Variants in XKR4 observed in about 807,000 individuals in gnomAD.
The protein encoded by XKR4 is XK-related protein 4.
Under a neutral mutation model 53.9 loss-of-function variants are expected in XKR4, and 12 were observed. That is an observed-to-expected ratio of 0.22 (90% confidence interval 0.14 to 0.36). XKR4 has a LOEUF of 0.36. XKR4 is among the 10% of genes least tolerant of loss of function. The pLI, the probability that XKR4 is intolerant of heterozygous loss-of-function variation, is 1.00. For missense variants in XKR4, 799 were observed against 859.5 expected (o/e 0.93, Z 0.88); for synonymous variants, 354 against 362.4 (o/e 0.98, Z 0.26).
chr8:55,123,476 CT>C, intron 1 of XKR4, among the ~76,000 whole-genome samples: 1 of 152,226 alleles, frequency 6.6e-6, no homozygotes, highest in East Asian at 1.9e-4. Flanking sequence ...TCAGCACTCC[CT>C]TTGAGCCCAG....
In XKR4 at chr8:55,122,267, A is replaced by C. The variant is rs1165255065; in HGVS notation, c.806+18973A>C. On this transcript the variant is annotated intron_variant, in intron 1 of 2. Coordinates refer to ENST00000327381, the MANE Select transcript of XKR4 (RefSeq NM_052898.2). ...GTGTCAAATGTCAGTGTCACATGTCAAAGTAGTAGAAATGTCTTTTCATTT... is the reference window on the plus strand; with the variant it reads ...GTGTCAAATGTCAGTGTCACATGTCCAAGTAGTAGAAATGTCTTTTCATTT... Among the ~76,000 whole-genome samples, 6 of 152,318 alleles carry C rather than the reference A, an allele frequency of 3.9e-5. No individual in the cohort carries two copies. The East Asian group carries it at 1.2e-3, about 29-fold the overall frequency.
At chr8:55,119,231 A>G (rs1489952246) in intron 1 of XKR4, among the ~76,000 whole-genome samples, 1 of 152,136 alleles carries the variant, frequency 6.6e-6, no homozygotes, top group Non-Finnish European at 1.5e-5. Flanking sequence ...CATTATCAGC[A>G]AGGGCAGAGA....
chr8:55,110,579 C>T (rs1201663694), intron 1 of XKR4, among the ~76,000 whole-genome samples: 1 of 152,082 alleles, frequency 6.6e-6, no homozygotes, highest in Non-Finnish European at 1.5e-5. Context: ...AAAAATTACC[C>T]CAGCTCTTTT....
intron 2 of XKR4, chr8:55,454,420 G>GGA: frequency 7.8e-7 from 1 of 1,287,662 alleles, no homozygotes; most frequent in Non-Finnish European, 1.1e-6. Context: ...GGCTCCTGCA[G>GGA]GCATCGGTGA....
intron 2 of XKR4, among the ~76,000 whole-genome samples, chr8:55,363,735 C>T (rs1803934533): frequency 1.3e-5 from 2 of 152,184 alleles, no homozygotes; most frequent in African/African-American, 4.8e-5. Flanking sequence ...GTGCTTGCCC[C>T]TACCTCTGGA....
At chr8:55,350,803 G>A (rs1405106069) in intron 1 of XKR4, among the ~76,000 whole-genome samples, 1 of 145,102 alleles carries the variant, frequency 6.9e-6, no homozygotes, top group East Asian at 2.0e-4. Flanking sequence ...GCAGTGGCAC[G>A]ATCTCGGTTC....
chr8:55,209,446 G>A (rs773721661), intron 1 of XKR4, among the ~76,000 whole-genome samples: 19 of 152,258 alleles, frequency 1.2e-4, no homozygotes, highest in African/African-American at 2.9e-4. Flanking sequence ...TCCAGAGCCC[G>A]TGCGCTTAAT....
intron 1 of XKR4, among the ~76,000 whole-genome samples, chr8:55,232,972 T>C (rs1818064600): frequency 6.6e-6 from 1 of 152,208 alleles, no homozygotes; most frequent in Non-Finnish European, 1.5e-5. Flanking sequence ...TGTTAATCTA[T>C]GTATTTGCTG....
At chr8:55,151,612 G>A (rs1222577815) in intron 1 of XKR4, among the ~76,000 whole-genome samples, 1 of 152,024 alleles carries the variant, frequency 6.6e-6, no homozygotes, top group African/African-American at 2.4e-5. Flanking sequence ...AAGTATAAAA[G>A]TAATACATAT....
chr8:55,231,795 A>G (rs1818044814), intron 1 of XKR4, among the ~76,000 whole-genome samples: 1 of 152,192 alleles, frequency 6.6e-6, no homozygotes, highest in Non-Finnish European at 1.5e-5. Context: ...TCCCTCCTGC[A>G]GAGTGGAAGT....
At chr8:55,306,236 A>C (rs1386335071) in intron 1 of XKR4, among the ~76,000 whole-genome samples, 2 of 152,318 alleles carry the variant, frequency 1.3e-5, no homozygotes, top group East Asian at 3.9e-4. Flanking sequence ...CATTTAAGGA[A>C]ATGCTTATTG....
rs368494801 is a variant in XKR4 at position 55,248,604 on chromosome 8, C to T, written c.807-109074C>T. On this transcript the variant is annotated intron_variant, in intron 1 of 2. Coordinates refer to ENST00000327381, the MANE Select transcript of XKR4 (RefSeq NM_052898.2). ...ACTTCTCAAAGTACTCATATATTCA[C>T]TCTGCTTCATTTATCTTCAGAGGTT... is the stretch of plus-strand genomic sequence containing the variant. Among the ~76,000 whole-genome samples, 14 of 152,346 alleles carry T rather than the reference C, an allele frequency of 9.2e-5. No homozygotes were observed. The South Asian group carries it at 1.0e-3, about 11-fold the overall frequency.
chr8:55,502,332 A>G (rs1283368063), intron 2 of XKR4, among the ~76,000 whole-genome samples: 1 of 152,062 alleles, frequency 6.6e-6, no homozygotes, highest in African/African-American at 2.4e-5. Flanking sequence ...TAACATTCCC[A>G]CCAACAGTAC....
chr8:55,178,913 T>C (rs1011732185), intron 1 of XKR4, among the ~76,000 whole-genome samples: 2 of 152,180 alleles, frequency 1.3e-5, no homozygotes, highest in African/African-American at 4.8e-5. Context: ...CTCCTCTCAG[T>C]AGCAGAGAAT....
intron 1 of XKR4, among the ~76,000 whole-genome samples, chr8:55,121,805 G>GA (rs34573634): frequency 0.86 from 130,696 of 151,566 alleles, 56,447 homozygotes; most frequent in East Asian, 0.95. Flanking sequence ...TTATGTTACA[G>GA]AAAAAAGGCA....
chr8:55,452,876 C>T lies in XKR4; in HGVS notation c.1007-70405C>T. On this transcript the variant is annotated intron_variant, in intron 2 of 2. Coordinates refer to ENST00000327381, the MANE Select transcript of XKR4 (RefSeq NM_052898.2). ...GGCTCTTGCTGCTGTCCAGAGGCAG[C>T]AGGAGGTAGCTCACGCAGTTGGTAT... 5.2e-6 allele frequency: 4 copies of T among 775,618 alleles called. No individual in the cohort carries two copies. The East Asian group carries it at 9.9e-5, about 19-fold the overall frequency. The allele number at this position is 775,618 out of a possible 1,614,324, so 48.0% of individuals were successfully genotyped here.
chr8:55,231,358 T>C (rs1457384750), intron 1 of XKR4, among the ~76,000 whole-genome samples: 1 of 152,250 alleles, frequency 6.6e-6, no homozygotes, highest in Non-Finnish European at 1.5e-5. Flanking sequence ...ATTGCTTTAG[T>C]GTATGTGTGT....
chr8:55,520,340 C>T (rs1221345646), intron 2 of XKR4, among the ~76,000 whole-genome samples: 1 of 152,250 alleles, frequency 6.6e-6, no homozygotes, highest in African/African-American at 2.4e-5. Flanking sequence ...AATCCTAGCA[C>T]TTTGGGAGGC....
chr8:55,405,004 C>T (rs771573363), intron 2 of XKR4, among the ~76,000 whole-genome samples: 6 of 151,868 alleles, frequency 4.0e-5, no homozygotes, highest in South Asian at 2.1e-4. Flanking sequence ...CTTGCCACAA[C>T]GAAAAAAATG....
Sources: allele counts gnomAD v4.1 joint callset (sites outside exome capture counted in the v4.1 genomes callset), GRCh38; gene constraint gnomAD v4.1.1; transcripts MANE v1.5; gene names NCBI Gene and HGNC (gene_info 2026-07-23, HGNC 2026-07-21).